Variants in KCNIP4 observed in about 807,000 individuals in gnomAD.
KCNIP4 encodes the protein Kv channel-interacting protein 4.
In KCNIP4, 12 loss-of-function variants were observed where a neutral mutation model predicts 34.0. The observed-to-expected ratio is 0.35, with a 90% CI of 0.23 to 0.57. KCNIP4 has a LOEUF of 0.57. Ranked by LOEUF, KCNIP4 falls within the 20% of genes least tolerant of loss-of-function variation. The pLI, the probability that KCNIP4 is intolerant of heterozygous loss-of-function variation, is 0.83. For synonymous variants in KCNIP4, 124 were observed against 102.2 expected (o/e 1.21, Z -1.29); for missense variants, 238 against 311.7 (o/e 0.76, Z 1.78).
intron 1 of KCNIP4, among the ~76,000 whole-genome samples, chr4:21,484,976 C>G (rs1214102728): frequency 6.6e-6 from 1 of 152,148 alleles, no homozygotes; most frequent in Non-Finnish European, 1.5e-5. Context: ...ATACCAAGGT[C>G]CAGAGAGATA....
intron 1 of KCNIP4, among the ~76,000 whole-genome samples, chr4:21,178,734 T>A: frequency 6.6e-6 from 1 of 152,028 alleles, no homozygotes; most frequent in Non-Finnish European, 1.5e-5. Context: ...CCCATTCTCA[T>A]CTGAGGACCA....
intron 1 of KCNIP4, among the ~76,000 whole-genome samples, chr4:21,420,847 G>A (rs773470976): frequency 3.9e-5 from 6 of 152,168 alleles, no homozygotes; most frequent in Non-Finnish European, 7.3e-5. Flanking sequence ...CAGAGTGAGT[G>A]AAGAGACAGC....
intron 1 of KCNIP4, among the ~76,000 whole-genome samples, chr4:21,643,305 C>T (rs1746750020): frequency 6.6e-6 from 1 of 152,108 alleles, no homozygotes; most frequent in African/African-American, 2.4e-5. Context: ...GAAGAATAAT[C>T]ATCAAAAAGA....
At chr4:21,890,422 T>C (rs1221235109) in intron 1 of KCNIP4, among the ~76,000 whole-genome samples, 1 of 152,184 alleles carries the variant, frequency 6.6e-6, no homozygotes, top group Non-Finnish European at 1.5e-5. Flanking sequence ...CTGGGAATGT[T>C]CTTCATAGAA....
At chr4:21,605,464 C>G (rs907229552) in intron 1 of KCNIP4, among the ~76,000 whole-genome samples, 1 of 152,098 alleles carries the variant, frequency 6.6e-6, no homozygotes, top group African/African-American at 2.4e-5. Flanking sequence ...CTCAAACATT[C>G]TATTTTTAAT....
chr4:21,517,582 T>C (rs1297020801), intron 1 of KCNIP4, among the ~76,000 whole-genome samples: 2 of 152,166 alleles, frequency 1.3e-5, no homozygotes, highest in East Asian at 3.9e-4. Flanking sequence ...AACTGGTATG[T>C]TTCTGTTAAT....
intron 1 of KCNIP4, among the ~76,000 whole-genome samples, chr4:21,591,924 T>C (rs1742252700): frequency 6.6e-6 from 1 of 152,088 alleles, no homozygotes; most frequent in Non-Finnish European, 1.5e-5. Context: ...ATTGTTCTAA[T>C]TGAATGACTT....
intron 1 of KCNIP4, among the ~76,000 whole-genome samples, chr4:21,433,264 A>C (rs1426500374): frequency 6.6e-6 from 1 of 152,192 alleles, no homozygotes; most frequent in African/African-American, 2.4e-5. Context: ...CATCAAAAGA[A>C]CATTCCCTAG....
At chr4:20,917,057 G>C (rs1409180733) in intron 1 of KCNIP4, among the ~76,000 whole-genome samples, 1 of 120,080 alleles carries the variant, frequency 8.3e-6, no homozygotes, top group African/African-American at 3.1e-5. Context: ...ATATAAAATT[G>C]AGATGGGGTC....
intron 1 of KCNIP4, among the ~76,000 whole-genome samples, chr4:21,327,042 C>G (rs1214182332): frequency 2.0e-5 from 3 of 151,886 alleles, no homozygotes; most frequent in Admixed American, 6.6e-5. Flanking sequence ...ATAGACTTAT[C>G]CTTTAGTGCT....
In KCNIP4 at chr4:21,396,550, A is replaced by AAAAAAAAAG. The variant is rs72320942; in HGVS notation, c.62-513842_62-513841insCTTTTTTTT. ...CAGCCTGGTGACAGAGCAAGACTCCAAAAAAAAAAAAAAAAAAAGAGGATT... is the reference window on the plus strand; with the variant it reads ...CAGCCTGGTGACAGAGCAAGACTCCAAAAAAAAAGAAAAAAAAAAAAAAAAAAGAGGATT... On this transcript the variant is annotated intron_variant, in intron 1 of 8. Coordinates refer to ENST00000382152, the MANE Select transcript of KCNIP4 (RefSeq NM_025221.6). 9.9e-5 allele frequency among the ~76,000 whole-genome samples: 4 copies of AAAAAAAAAG among 40,448 alleles called. No homozygotes were observed. In the East Asian group the frequency reaches 3.8e-3, roughly 38 times the overall value. The allele number at this position is 40,448 out of a possible 152,430, so 26.5% of individuals were successfully genotyped here.
chr4:21,697,317 A>G (rs1271367853), intron 1 of KCNIP4: 3 of 29,380 alleles, frequency 1.0e-4, no homozygotes, highest in Admixed American at 2.5e-4. Context: ...AGCCTCTACT[A>G]AAAAAAAAAA....
intron 1 of KCNIP4, among the ~76,000 whole-genome samples, chr4:21,614,119 T>C (rs551141755): frequency 2.7e-5 from 4 of 150,084 alleles, no homozygotes; most frequent in African/African-American, 9.8e-5. Context: ...CACTCCAGCC[T>C]GGGTGAGAAA....
chr4:20,791,948 C>A (rs1401582379), intron 3 of KCNIP4, among the ~76,000 whole-genome samples: 7 of 152,198 alleles, frequency 4.6e-5, no homozygotes, highest in Non-Finnish European at 8.8e-5. Flanking sequence ...CCCCACCAGT[C>A]TACCCTGCCC....
At chr4:20,733,265 T>G (rs560335995) in intron 6 of KCNIP4, among the ~76,000 whole-genome samples, 113 of 152,346 alleles carry the variant, frequency 7.4e-4, no homozygotes, top group African/African-American at 2.6e-3. Flanking sequence ...GTATTTTTCC[T>G]ACTGTGGCTT....
intron 1 of KCNIP4, among the ~76,000 whole-genome samples, chr4:21,770,764 A>T (rs1718726761): frequency 6.6e-6 from 1 of 152,130 alleles, no homozygotes; most frequent in Non-Finnish European, 1.5e-5. Flanking sequence ...GTGTCTGTTC[A>T]TATCCTTTGC....
intron 1 of KCNIP4, among the ~76,000 whole-genome samples, chr4:21,356,860 A>T (rs74424836): frequency 0.037 from 5,552 of 152,056 alleles, 240 homozygotes; most frequent in East Asian, 0.2. Context: ...CATAGCCAAG[A>T]TAATCGTAAG....
intron 1 of KCNIP4, among the ~76,000 whole-genome samples, chr4:21,558,914 C>A (rs2109028742): frequency 6.6e-6 from 1 of 152,136 alleles, no homozygotes; most frequent in Non-Finnish European, 1.5e-5. Flanking sequence ...GTGTAAGTTA[C>A]CAGAGCTTCA....
intron 1 of KCNIP4, among the ~76,000 whole-genome samples, chr4:21,472,610 T>C (rs1730567279): frequency 6.6e-6 from 1 of 152,192 alleles, no homozygotes; most frequent in African/African-American, 2.4e-5. Flanking sequence ...TTTTCACTCA[T>C]GAGTTTTGAG....
Sources: allele counts gnomAD v4.1 joint callset (sites outside exome capture counted in the v4.1 genomes callset), GRCh38; gene constraint gnomAD v4.1.1; transcripts MANE v1.5; gene names NCBI Gene and HGNC (gene_info 2026-07-23, HGNC 2026-07-21).